The following CDH13 variants were observed in gnomAD, a reference collection of about 807,000 sequenced individuals.
CDH13 encodes the protein cadherin-13.
In CDH13, 24 loss-of-function variants were observed where a neutral mutation model predicts 63.8. The observed-to-expected ratio is 0.38, with a 90% CI of 0.27 to 0.53. The LOEUF (loss-of-function observed/expected upper bound fraction) is 0.53, where lower values mean the gene tolerates loss of function less well. Ranked by LOEUF, CDH13 falls within the 20% of genes least tolerant of loss-of-function variation. The pLI is 0.85. For missense variants in CDH13, 1,049 were observed against 903.1 expected (o/e 1.16, Z -2.07); for synonymous variants, 503 against 355.3 (o/e 1.42, Z -4.67).
chr16:83,506,954 A>C (rs912780950), intron 7 of CDH13, among the ~76,000 whole-genome samples: 2 of 152,236 alleles, frequency 1.3e-5, no homozygotes, highest in Non-Finnish European at 2.9e-5. Flanking sequence ...AGCAGCTTCC[A>C]TATCTCCAAG....
chr16:83,461,322 T>G (rs1348110180), intron 6 of CDH13, among the ~76,000 whole-genome samples: 2 of 152,134 alleles, frequency 1.3e-5, no homozygotes, highest in East Asian at 1.9e-4. Flanking sequence ...GAATCTTATC[T>G]CATTCAACAT....
At chr16:82,713,020 T>C (rs113471527) in intron 1 of CDH13, among the ~76,000 whole-genome samples, 9 of 150,226 alleles carry the variant, frequency 6.0e-5, no homozygotes, top group South Asian at 2.1e-4. Flanking sequence ...TAGTTAATGC[T>C]TATGGAGTGA....
At chr16:83,753,810 A>C (rs1913284636) in intron 11 of CDH13, among the ~76,000 whole-genome samples, 1 of 152,048 alleles carries the variant, frequency 6.6e-6, no homozygotes, top group African/African-American at 2.4e-5. Context: ...CCCACTGTGA[A>C]ACTAGAAAAA....
At chr16:82,652,234 C>A (rs1411984551) in intron 1 of CDH13, among the ~76,000 whole-genome samples, 1 of 152,134 alleles carries the variant, frequency 6.6e-6, no homozygotes, top group African/African-American at 2.4e-5. Context: ...GTTTGTCATC[C>A]TAGCCTGTCA....
chr16:82,659,888 AC>A (rs1237540105), intron 1 of CDH13, among the ~76,000 whole-genome samples: 1 of 152,120 alleles, frequency 6.6e-6, no homozygotes, highest in Admixed American at 6.5e-5. Context: ...CCCCATCCTC[AC>A]TGTGAAATCC....
At chr16:82,997,143 A>G (rs1459631349) in intron 2 of CDH13, among the ~76,000 whole-genome samples, 3,408 of 113,558 alleles carry the variant, frequency 0.03, 119 homozygotes, top group African/African-American at 0.11. Context: ...GGTGGTGATG[A>G]TGGTGATGAT....
chr16:82,763,713 C>A (rs923325833), intron 1 of CDH13, among the ~76,000 whole-genome samples: 1 of 152,154 alleles, frequency 6.6e-6, no homozygotes, highest in African/African-American at 2.4e-5. Context: ...AACAGAGTCT[C>A]ACTATTATCA....
intron 4 of CDH13, among the ~76,000 whole-genome samples, chr16:83,205,024 G>T (rs570856617): frequency 2.0e-5 from 3 of 152,324 alleles, no homozygotes; most frequent in South Asian, 4.1e-4. Flanking sequence ...ACTGCTGTGT[G>T]CCCAGAAGGA....
intron 8 of CDH13, among the ~76,000 whole-genome samples, chr16:83,663,060 C>CA (rs1376268349): frequency 2.6e-5 from 4 of 152,142 alleles, no homozygotes; most frequent in African/African-American, 9.7e-5. Flanking sequence ...ATCCAAATGA[C>CA]AAAAAATGGC....
chr16:83,631,077 C>G (rs1455591657), intron 8 of CDH13, among the ~76,000 whole-genome samples: 4 of 152,196 alleles, frequency 2.6e-5, no homozygotes, highest in Admixed American at 2.0e-4. Flanking sequence ...GAGCTCTCCT[C>G]TTCCTCAGTT....
At chr16:83,264,947 T>G (rs1488876650) in intron 5 of CDH13, among the ~76,000 whole-genome samples, 1 of 152,212 alleles carries the variant, frequency 6.6e-6, no homozygotes, top group Non-Finnish European at 1.5e-5. Context: ...TGTAAATAAT[T>G]ATATGAAATA....
intron 3 of CDH13, among the ~76,000 whole-genome samples, chr16:83,108,483 C>T (rs1254163790): frequency 6.6e-6 from 1 of 152,212 alleles, no homozygotes; most frequent in Non-Finnish European, 1.5e-5. Context: ...TCTCCCGCCT[C>T]ATAGATTGAA....
intron 4 of CDH13, among the ~76,000 whole-genome samples, chr16:83,209,027 C>G (rs542232768): frequency 1.1e-4 from 17 of 152,198 alleles, no homozygotes; most frequent in Middle Eastern, 6.8e-3. Flanking sequence ...TCTGCTGAAC[C>G]CCTATCAACT....
intron 1 of CDH13, among the ~76,000 whole-genome samples, chr16:82,840,089 G>A (rs979348477): frequency 6.6e-6 from 1 of 152,112 alleles, no homozygotes; most frequent in African/African-American, 2.4e-5. Flanking sequence ...CCTGACAAAG[G>A]TTTGCTTGAT....
chr16:83,105,101 C>G (rs1256019563), intron 3 of CDH13, among the ~76,000 whole-genome samples: 4 of 152,104 alleles, frequency 2.6e-5, no homozygotes, highest in African/African-American at 9.7e-5. Flanking sequence ...CTGCACCCGT[C>G]AACCCATCAC....
intron 6 of CDH13, among the ~76,000 whole-genome samples, chr16:83,435,986 C>A (rs1170804130): frequency 6.6e-6 from 1 of 152,138 alleles, no homozygotes; most frequent in Non-Finnish European, 1.5e-5. Context: ...CCATGATCCC[C>A]AAGGATACAT....
At chr16:82,691,204 G>T (rs966391029) in intron 1 of CDH13, among the ~76,000 whole-genome samples, 1 of 152,216 alleles carries the variant, frequency 6.6e-6, no homozygotes, top group Non-Finnish European at 1.5e-5. Flanking sequence ...AGGAAAGGAA[G>T]ACCAAAGTGT....
intron 5 of CDH13, among the ~76,000 whole-genome samples, chr16:83,237,609 G>C (rs925975391): frequency 3.3e-5 from 5 of 152,164 alleles, no homozygotes; most frequent in African/African-American, 1.2e-4. Flanking sequence ...CCTTACTGTT[G>C]GAAAGCATAG....
chr16:83,400,224 A>C (rs907235947), intron 6 of CDH13, among the ~76,000 whole-genome samples: 3 of 152,120 alleles, frequency 2.0e-5, no homozygotes, highest in Admixed American at 6.5e-5. Context: ...ACTTTTAAAG[A>C]AATCGATCCA....
Sources: gnomAD v4.1 joint callset for allele counts (sites outside exome capture counted in the v4.1 genomes callset) on GRCh38, gnomAD v4.1.1 for gene constraint, MANE v1.5 for transcripts, NCBI Gene and HGNC (gene_info 2026-07-23, HGNC 2026-07-21) for gene names.